Variants in PRICKLE1 observed in about 807,000 individuals in gnomAD.
PRICKLE1 encodes the protein prickle-like protein 1.
A neutral mutation model predicts 70.2 loss-of-function variants in PRICKLE1; 14 were observed. The observed-to-expected ratio is 0.20, with a 90% confidence interval of 0.13 to 0.31. The LOEUF is 0.31. PRICKLE1 is among the 10% of genes least tolerant of loss of function. The pLI is 1.00. For missense variants in PRICKLE1, 821 were observed against 1,026.2 expected (o/e 0.80, Z 2.73); for synonymous variants, 357 against 379.9 (o/e 0.94, Z 0.70).
In PRICKLE1 at chr12:42,481,604, A is replaced by G. The variant is rs528391542; in HGVS notation, c.-48-9040T>C. 5.2e-4 allele frequency among the ~76,000 whole-genome samples: 79 copies of G among 152,350 alleles called. 1 individual carries two copies. In the South Asian group the frequency reaches 0.015, roughly 29 times the overall value. On this transcript the variant is annotated intron_variant, in intron 1 of 7. Transcript: ENST00000345127. ...CTGCTTGTTAACAAGGCCTTAGTGCATGGAAGATGCAGATCACAGGTTCTC... is the reference window on the plus strand; with the variant it reads ...CTGCTTGTTAACAAGGCCTTAGTGCGTGGAAGATGCAGATCACAGGTTCTC...
chr12:42,583,240 T>C (rs34205736), intron 1 of PRICKLE1, among the ~76,000 whole-genome samples: 86 of 152,222 alleles, frequency 5.6e-4, no homozygotes, highest in Non-Finnish European at 9.6e-4. Flanking sequence ...AAGGTTTTAA[T>C]AGACTTTCTA....
At chr12:42,588,489 G>GT (rs1036897471) in intron 1 of PRICKLE1, among the ~76,000 whole-genome samples, 32 of 150,822 alleles carry the variant, frequency 2.1e-4, no homozygotes, top group Non-Finnish European at 3.8e-4. Context: ...ATTTTTACAT[G>GT]TTTTTTTGGT....
chr12:42,564,469 G>A (rs1394149433), intron 1 of PRICKLE1, among the ~76,000 whole-genome samples: 4 of 151,842 alleles, frequency 2.6e-5, no homozygotes, highest in South Asian at 2.1e-4. Context: ...TTGGTCAGGC[G>A]TGGTGGCGGG....
chr12:42,459,186 T>A lies in PRICKLE1; in HGVS notation c.*623A>T. ...CTGAACTGTACAGTATATACATTAA[T>A]ATTTGCACCGTTAAATTAGGAATAC... On this transcript the variant is annotated 3_prime_UTR_variant, in exon 8 of 8. Transcript: ENST00000345127. The A allele has an allele frequency of 1.5e-6, 1 of 674,562 alleles. No homozygotes were observed. Among genetic ancestry groups the A allele is most frequent in the East Asian group, 2.7e-5 (1 of 37,126 alleles). 41.8% of individuals were successfully genotyped at this position (674,562 alleles called of 1,614,324 possible).
In PRICKLE1 at chr12:42,466,270, C is replaced by A. The variant is rs1443820017; in HGVS notation, c.699G>T (p.Lys233Asn). The change falls in exon 6 of 8, where the codon AAG becomes AAT. Residue 233 changes from lysine (K) to asparagine (N), a missense_variant. By Grantham distance (94) the Lys-to-Asn change is moderately conservative. Coordinates refer to ENST00000345127, the MANE Select transcript of PRICKLE1 (RefSeq NM_153026.3). ...AGCCACAGCAGAAGGGGCGGCCGTC[C>A]TTCATGATATACCTCTGTCCTCCCA... is the stretch of plus-strand genomic sequence containing the variant. ...TVLGGQRYIM[K>N]DGRPFCCGCF... 3.1e-6 allele frequency: 5 copies of A among 1,614,086 alleles called. No individual in the cohort carries two copies. The Admixed American group carries it at 6.7e-5, about 22-fold the overall frequency.
chr12:42,469,102 C>G (rs1938217273), intron 4 of PRICKLE1, among the ~76,000 whole-genome samples: 1 of 152,102 alleles, frequency 6.6e-6, no homozygotes, highest in Admixed American at 6.5e-5. Flanking sequence ...GGATACATTT[C>G]CTACTCTGAG....
intron 1 of PRICKLE1, among the ~76,000 whole-genome samples, chr12:42,566,144 G>A (rs551542193): frequency 2.6e-5 from 4 of 152,240 alleles, no homozygotes; most frequent in African/African-American, 7.2e-5. Context: ...CATTTTGGAC[G>A]GATCACTCTG....
intron 1 of PRICKLE1, among the ~76,000 whole-genome samples, chr12:42,480,268 TATTAGGCAA>T (rs1408588479): frequency 6.6e-6 from 1 of 152,240 alleles, no homozygotes; most frequent in Non-Finnish European, 1.5e-5. Context: ...TTGCTTCCGG[TATTAGGCAA>T]CCATTCTTTG....
intron 1 of PRICKLE1, among the ~76,000 whole-genome samples, chr12:42,484,771 CT>C (rs1938941002): frequency 6.6e-6 from 1 of 152,064 alleles, no homozygotes; most frequent in Admixed American, 6.6e-5. Flanking sequence ...CTTCAGTTGT[CT>C]ACAGAAAGGG....
chr12:42,523,324 G>C (rs548291827), intron 1 of PRICKLE1, among the ~76,000 whole-genome samples: 19 of 152,306 alleles, frequency 1.2e-4, no homozygotes, highest in African/African-American at 4.6e-4. Flanking sequence ...GGTTAACCAA[G>C]ATGCTCATTT....
chr12:42,489,951 C>T (rs981218614), intron 1 of PRICKLE1: 1 of 152,174 alleles, frequency 6.6e-6, no homozygotes, highest in Non-Finnish European at 1.5e-5. Context: ...TGTTGAAGGG[C>T]ACCACTGTTC....
intron 7 of PRICKLE1, 193 bp from the exon 8 acceptor site, chr12:42,460,858 G>A: frequency 1.5e-6 from 1 of 660,862 alleles, no homozygotes; most frequent in Non-Finnish European, 2.6e-6. Flanking sequence ...GTTATAAGGG[G>A]TGGGCACAGC....
rs114371971 is a variant in PRICKLE1 at position 42,462,558 on chromosome 12, C to A, written c.1639+1837G>T. Among the ~76,000 whole-genome samples the A allele has an allele frequency of 5.5e-3, 831 of 152,234 alleles. 7 individuals carry two copies. Among genetic ancestry groups the A allele is most frequent in the African/African-American group, 0.019 (795 of 41,536 alleles). On this transcript the variant is annotated intron_variant, in intron 7 of 7. Coordinates refer to ENST00000345127, the MANE Select transcript of PRICKLE1 (RefSeq NM_153026.3). The stretch of plus-strand genomic sequence containing the variant: ...AACTCCTAGCACTGGGCCTGGCAGA[C>A]AAAAGGTGCTTACTCAGTCTCACCC...
chr12:42,492,159 T>G (rs1414271587), intron 1 of PRICKLE1, among the ~76,000 whole-genome samples: 1 of 151,952 alleles, frequency 6.6e-6, no homozygotes, highest in African/African-American at 2.4e-5. Flanking sequence ...TGGAGTGCAG[T>G]GGTGCAATCA....
At chr12:42,510,239 C>T (rs955752668) in intron 1 of PRICKLE1, among the ~76,000 whole-genome samples, 1 of 151,964 alleles carries the variant, frequency 6.6e-6, no homozygotes, top group Non-Finnish European at 1.5e-5. Context: ...GGACTACAGG[C>T]GCCCGCCACC....
chr12:42,547,938 C>T (rs1940242138), intron 1 of PRICKLE1, among the ~76,000 whole-genome samples: 1 of 152,144 alleles, frequency 6.6e-6, no homozygotes, highest in Non-Finnish European at 1.5e-5. Flanking sequence ...CAAGTCTCAA[C>T]ATGAAATTTA....
intron 1 of PRICKLE1, among the ~76,000 whole-genome samples, chr12:42,521,931 T>G (rs888761351): frequency 7.9e-4 from 8 of 10,158 alleles, no homozygotes; most frequent in African/African-American, 1.1e-3. Context: ...TTGTTTTTGG[T>G]GTGTGTGTGT....
intron 3 of PRICKLE1, 102 bp from the exon 4 acceptor site, chr12:42,469,689 T>A: frequency 6.7e-7 from 1 of 1,492,134 alleles, no homozygotes; most frequent in Non-Finnish European, 9.2e-7. Flanking sequence ...ACAGTAAGTT[T>A]AGCTCGCCTG....
intron 1 of PRICKLE1, among the ~76,000 whole-genome samples, chr12:42,518,611 T>C (rs991424075): frequency 6.6e-6 from 1 of 152,164 alleles, no homozygotes; most frequent in Non-Finnish European, 1.5e-5. Flanking sequence ...CCTATGTTTG[T>C]CCCCCTTGCA....
Sources: allele counts gnomAD v4.1 joint callset (sites outside exome capture counted in the v4.1 genomes callset), GRCh38; gene constraint gnomAD v4.1.1; transcripts MANE v1.5; gene names NCBI Gene and HGNC (gene_info 2026-07-23, HGNC 2026-07-21).